Variants in DGKD observed in about 807,000 individuals in gnomAD.
The protein encoded by DGKD is DAG kinase delta.
DGKD carries 68 observed loss-of-function variants against 154.4 expected under a neutral mutation model. The observed-to-expected ratio is 0.44, with a 90% confidence interval of 0.36 to 0.54. The LOEUF is 0.54. Ranked by LOEUF, DGKD falls within the 20% of genes least tolerant of loss-of-function variation. The pLI is 0.00. For synonymous variants in DGKD, 693 were observed against 638.0 expected, an observed-to-expected ratio of 1.09 and a Z score of -1.30; for missense variants, 1,343 against 1,593.6, an observed-to-expected ratio of 0.84 and a Z score of 2.68.
At chr2:233,389,915 T>C (rs1703477471) in intron 2 of DGKD, among the ~76,000 whole-genome samples, 1 of 152,140 alleles carries the variant, frequency 6.6e-6, no homozygotes, top group Non-Finnish European at 1.5e-5. Context: ...TTTGGACCTG[T>C]CTCTCTTCTC....
chr2:233,449,412 G>A lies in DGKD; in HGVS notation c.1888+36G>A. 3.2e-6 allele frequency: 5 copies of A among 1,567,386 alleles called. No homozygotes were observed. The highest frequency in any genetic ancestry group is 4.3e-6 in the Non-Finnish European group (5 of 1,149,818). On this transcript the variant is annotated intron_variant, in intron 15 of 29. Transcript: ENST00000264057. This position sits in a 1 kb window ranked among gnomAD's most constrained non-coding sequence, Gnocchi z 5.3. Reference sequence around the variant, plus strand: ...TTGTGATGAGGAGGGGCTTTCCTCAGGCCAGCACTGGGCATGCCCAGCGTC... The same window carrying A: ...TTGTGATGAGGAGGGGCTTTCCTCAAGCCAGCACTGGGCATGCCCAGCGTC...
Position 233,410,337 on chromosome 2 carries a change from C to T in DGKD, c.348+19854C>T, listed in dbSNP as rs190357306. Among the ~76,000 whole-genome samples the T allele has an allele frequency of 1.1e-3, 162 of 152,278 alleles. 1 individual carries two copies. The highest frequency in any genetic ancestry group is 1.5e-3 in the Non-Finnish European group (103 of 68,022). On this transcript the variant is annotated intron_variant, in intron 3 of 29. Transcript: ENST00000264057. Reference sequence around the variant, plus strand: ...TCCTGTGCCCGTCATTGACCGGGATCGCTTCCTTTTCTGTAAATCAAGGTC... The same window carrying T: ...TCCTGTGCCCGTCATTGACCGGGATTGCTTCCTTTTCTGTAAATCAAGGTC...
chr2:233,397,102 C>T (rs1264032272), intron 3 of DGKD, among the ~76,000 whole-genome samples: 2 of 121,838 alleles, frequency 1.6e-5, no homozygotes, highest in Non-Finnish European at 3.4e-5. Flanking sequence ...CAGAGGGGAG[C>T]AGGGTGGCTG....
chr2:233,355,394 G>A (rs1701490457), intron 1 of DGKD, among the ~76,000 whole-genome samples: 1 of 152,216 alleles, frequency 6.6e-6, no homozygotes. Context: ...ATTGAAAACA[G>A]CTTACGGTTT....
chr2:233,410,025 T>C (rs1016572591), intron 3 of DGKD, among the ~76,000 whole-genome samples: 1 of 152,058 alleles, frequency 6.6e-6, no homozygotes, highest in Non-Finnish European at 1.5e-5. Context: ...AGATATGATC[T>C]CACCATGTTG....
chr2:233,462,564 C>T (rs1575173530), intron 25 of DGKD, 79 bp from the exon 26 acceptor site: 3 of 1,539,898 alleles, frequency 1.9e-6, no homozygotes, highest in South Asian at 1.1e-5. Flanking sequence ...ATGTTCGGCC[C>T]TCCCAGTGCT....
chr2:233,355,292 A>G (rs1701486550), intron 1 of DGKD, among the ~76,000 whole-genome samples: 1 of 152,154 alleles, frequency 6.6e-6, no homozygotes, highest in African/African-American at 2.4e-5. Flanking sequence ...CCAACTCTCC[A>G]CGGAGAACTC....
At chr2:233,456,624 T>G (rs1331959977) in intron 19 of DGKD, among the ~76,000 whole-genome samples, 1 of 152,220 alleles carries the variant, frequency 6.6e-6, no homozygotes, top group Non-Finnish European at 1.5e-5. Context: ...TTTATAGGGT[T>G]CTATAATGTT....
At chr2:233,393,466 A>G (rs1703778473) in intron 3 of DGKD, among the ~76,000 whole-genome samples, 2 of 146,754 alleles carry the variant, frequency 1.4e-5, no homozygotes, top group South Asian at 4.3e-4. Context: ...CCTCCTGAGT[A>G]GCTGGGATTA....
At chr2:233,469,268 G>C (rs2063927065) in intron 29 of DGKD, 103 bp from the exon 30 acceptor site, 2 of 994,068 alleles carry the variant, frequency 2.0e-6, no homozygotes, top group Admixed American at 4.3e-5. Flanking sequence ...TCTCATTTGT[G>C]TTCACAAGCC....
intron 3 of DGKD, among the ~76,000 whole-genome samples, chr2:233,423,381 G>A (rs1388551289): frequency 6.6e-6 from 1 of 152,140 alleles, no homozygotes; most frequent in Non-Finnish European, 1.5e-5. Flanking sequence ...CCAACAGTAA[G>A]ATCCACTTTC....
At chr2:233,463,405 C>G (rs1447726055) in intron 26 of DGKD, among the ~76,000 whole-genome samples, 5 of 144,556 alleles carry the variant, frequency 3.5e-5, no homozygotes, top group African/African-American at 1.0e-4. Flanking sequence ...TCTCCTCACT[C>G]CACGCATCTC....
Position 233,402,052 on chromosome 2 carries a change from A to C in DGKD, c.348+11569A>C, listed in dbSNP as rs1435503031. ...GCCTGGCCTCTCCCCAGCCAAGCCC[A>C]GTGCTTCTTAGGGAGCTCCCTGTGT... On this transcript the variant is annotated intron_variant, in intron 3 of 29. Transcript: ENST00000264057. Among the ~76,000 whole-genome samples, 4 of 150,382 alleles carry C rather than the reference A, an allele frequency of 2.7e-5. 1 individual carries two copies. The highest frequency in any genetic ancestry group is 4.2e-4 in the South Asian group (2 of 4,732).
chr2:233,422,609 A>G (rs974538848), intron 3 of DGKD, among the ~76,000 whole-genome samples: 1 of 152,210 alleles, frequency 6.6e-6, no homozygotes, highest in Non-Finnish European at 1.5e-5. Context: ...CTACAAATAC[A>G]GGACTTTAGA....
intron 1 of DGKD, among the ~76,000 whole-genome samples, chr2:233,375,016 G>A (rs945233406): frequency 2.6e-5 from 4 of 152,192 alleles, no homozygotes; most frequent in Admixed American, 6.5e-5. Context: ...GGAGCCGGGC[G>A]TGGTGGCTCA....
intron 1 of DGKD, among the ~76,000 whole-genome samples, chr2:233,384,511 C>T (rs1423493571): frequency 6.6e-6 from 1 of 152,174 alleles, no homozygotes; most frequent in Non-Finnish European, 1.5e-5. Context: ...ACTGAACTCC[C>T]CTGACGTCCT....
intron 1 of DGKD, among the ~76,000 whole-genome samples, chr2:233,359,739 T>C (rs1370890783): frequency 6.6e-6 from 1 of 152,242 alleles, no homozygotes; most frequent in Non-Finnish European, 1.5e-5. Flanking sequence ...TTTGAGATCT[T>C]AACATTGTTA....
rs539013665 is a variant in DGKD at position 233,381,652 on chromosome 2, A to G, written c.157-6605A>G. Among the ~76,000 whole-genome samples the G allele has an allele frequency of 2.0e-5, 3 of 152,330 alleles. No individual in the cohort carries two copies. The South Asian group carries it at 6.2e-4, about 32-fold the overall frequency. On this transcript the variant is annotated intron_variant, in intron 1 of 29. Coordinates refer to ENST00000264057, the MANE Select transcript of DGKD (RefSeq NM_152879.3). ...CTGGAGGTCTTTGAATATGTTTTGC[A>G]TGCCTTACGTTTTGTGAACAAATTA...
Position 233,454,660 on chromosome 2 carries a change from G to C in DGKD, c.2265-103G>C, listed in dbSNP as rs531547789. Reference sequence around the variant, plus strand: ...TCTCTTAGCAGACAAAAAAGAAAAAGTTACCAGTTTTCCCCAAGGAAGAGA... The same window carrying C: ...TCTCTTAGCAGACAAAAAAGAAAAACTTACCAGTTTTCCCCAAGGAAGAGA... On this transcript the variant is annotated intron_variant, in intron 18 of 29. Transcript: ENST00000264057. The C allele has an allele frequency of 1.9e-4, 127 of 675,642 alleles. 3 individuals are homozygous for C. In the South Asian group the frequency reaches 2.2e-3, roughly 12 times the overall value. The allele number at this position is 675,642 out of a possible 1,614,324, so 41.9% of individuals were successfully genotyped here.
Sources: gnomAD v4.1 joint callset for allele counts (sites outside exome capture counted in the v4.1 genomes callset) on GRCh38, gnomAD v4.1.1 for gene constraint, Gnocchi (gnomAD v3.1) non-coding constraint, MANE v1.5 for transcripts, NCBI Gene and HGNC (gene_info 2026-07-23, HGNC 2026-07-21) for gene names.